THEMIS: variants seen among roughly 807,000 people sequenced by gnomAD.
THEMIS encodes the protein thymocyte selection associated.
Under a neutral mutation model 52.6 loss-of-function variants are expected in THEMIS, and 37 were observed. The ratio of observed to expected loss-of-function variants is 0.70; its 90% CI spans 0.54 to 0.93. The LOEUF (loss-of-function observed/expected upper bound fraction) is 0.93. THEMIS is among the 40% of genes least tolerant of loss of function. The pLI is 0.00. For missense variants in THEMIS, 808 were observed against 763.1 expected, an observed-to-expected ratio of 1.06 and a Z score of -0.69; for synonymous variants, 292 against 272.7, an observed-to-expected ratio of 1.07 and a Z score of -0.70.
At chr6:127,703,848 G>A (rs1562201515), downstream of THEMIS, among the ~76,000 whole-genome samples, 1 of 152,054 alleles carries the variant, frequency 6.6e-6, no homozygotes, top group Non-Finnish European at 1.5e-5. Context: ...CCTCAGACTG[G>A]GTAATTTATA....
At chr6:127,761,970 G>C in intron 4 of THEMIS, among the ~76,000 whole-genome samples, 1 of 152,062 alleles carries the variant, frequency 6.6e-6, no homozygotes, top group Admixed American at 6.6e-5. Flanking sequence ...CGTTGCAGTT[G>C]TATTCACAAT....
At chr6:127,821,742 AAAAT>A (rs1195084966) in intron 3 of THEMIS, among the ~76,000 whole-genome samples, 1 of 152,064 alleles carries the variant, frequency 6.6e-6, no homozygotes, top group Admixed American at 6.5e-5. Flanking sequence ...CTTTAAAGAG[AAAAT>A]AAAGAGTTAC....
At chr6:127,887,311 A>G (rs774042700) in intron 1 of THEMIS, among the ~76,000 whole-genome samples, 3 of 152,142 alleles carry the variant, frequency 2.0e-5, no homozygotes, top group Middle Eastern at 3.2e-3. Context: ...GGAAATGCAA[A>G]TTAAAACTAC....
chr6:127,829,709 T>C lies in THEMIS; in HGVS notation c.476A>G (p.Gln159Arg). 1 of 1,614,140 alleles carries C rather than the reference T, an allele frequency of 6.2e-7. No individual in the cohort carries two copies. The change falls in exon 3 of 6, where the codon CAA becomes CGA. Residue 159 changes from glutamine (Q) to arginine (R), a missense_variant. Transcript: ENST00000368248. ...CAAAGGCAAATTAAATGAGTGAGTTTGATGATTCCTTGCTACTGCACAGCT... is the reference window on the plus strand; with the variant it reads ...CAAAGGCAAATTAAATGAGTGAGTTCGATGATTCCTTGCTACTGCACAGCT... ...MVSCAVARNH[Q>R]THSFNLPLSQ...
chr6:127,761,653 T>G (rs148810619), intron 4 of THEMIS, among the ~76,000 whole-genome samples: 1 of 152,124 alleles, frequency 6.6e-6, no homozygotes, highest in Non-Finnish European at 1.5e-5. Context: ...CCTATAAAAC[T>G]AATGCACATA....
chr6:127,697,027 G>A, the THEMIS span, among the ~76,000 whole-genome samples: 1 of 151,982 alleles, frequency 6.6e-6, no homozygotes, highest in Non-Finnish European at 1.5e-5. Flanking sequence ...ACACGTACAT[G>A]TATGTGTATA....
At chr6:127,697,454 A>T in the THEMIS span, among the ~76,000 whole-genome samples, 1 of 152,170 alleles carries the variant, frequency 6.6e-6, no homozygotes, top group Non-Finnish European at 1.5e-5. Flanking sequence ...TAGGCATAAC[A>T]GTTCTAGGAA....
intron 2 of THEMIS, among the ~76,000 whole-genome samples, chr6:127,830,988 A>C (rs1447423723): frequency 6.6e-6 from 1 of 152,172 alleles, no homozygotes; most frequent in African/African-American, 2.4e-5. Flanking sequence ...CACATTAATA[A>C]ATCACAACAT....
chr6:127,892,869 A>G (rs1239626944), intron 1 of THEMIS, among the ~76,000 whole-genome samples: 1 of 152,140 alleles, frequency 6.6e-6, no homozygotes, highest in East Asian at 1.9e-4. Flanking sequence ...ATAATGATTT[A>G]TTGTTTCATT....
chr6:127,881,402 A>G (rs1349281038), intron 1 of THEMIS, among the ~76,000 whole-genome samples: 1 of 152,044 alleles, frequency 6.6e-6, no homozygotes, highest in Non-Finnish European at 1.5e-5. Flanking sequence ...TTACTTGTTT[A>G]TACTTACAAA....
At chr6:127,854,252 T>C (rs922761874) in intron 2 of THEMIS, among the ~76,000 whole-genome samples, 2 of 151,922 alleles carry the variant, frequency 1.3e-5, no homozygotes, top group South Asian at 2.1e-4. Flanking sequence ...GCCATGCTCA[T>C]TGGTTTATGT....
chr6:127,702,317 A>C, the THEMIS span, among the ~76,000 whole-genome samples: 2 of 152,148 alleles, frequency 1.3e-5, no homozygotes, highest in Non-Finnish European at 2.9e-5. Flanking sequence ...TAAGGAAATT[A>C]CTTCTTTATT....
intron 1 of THEMIS, among the ~76,000 whole-genome samples, chr6:127,872,583 C>T (rs1780190583): frequency 6.6e-6 from 1 of 151,850 alleles, no homozygotes; most frequent in South Asian, 2.1e-4. Flanking sequence ...ACAAAAAACT[C>T]TCAGAAAAAC....
At chr6:127,838,015 C>G (rs551752145) in intron 2 of THEMIS, among the ~76,000 whole-genome samples, 1 of 151,956 alleles carries the variant, frequency 6.6e-6, no homozygotes. Context: ...GGAGTTGATT[C>G]GACAAGTGGA....
intron 1 of THEMIS, among the ~76,000 whole-genome samples, chr6:127,908,044 G>A (rs755644742): frequency 1.3e-5 from 2 of 152,088 alleles, no homozygotes; most frequent in Non-Finnish European, 2.9e-5. Flanking sequence ...AACCGCCTAT[G>A]AATGTGTTCA....
intron 4 of THEMIS, among the ~76,000 whole-genome samples, chr6:127,734,534 T>G (rs1225926894): frequency 6.6e-6 from 1 of 152,062 alleles, no homozygotes; most frequent in Non-Finnish European, 1.5e-5. Flanking sequence ...GTCTAAGTCT[T>G]GAAATCAAGA....
the THEMIS span, among the ~76,000 whole-genome samples, chr6:127,697,369 A>G: frequency 2.7e-4 from 41 of 152,248 alleles, no homozygotes; most frequent in East Asian, 7.3e-3. Flanking sequence ...GTCATCTCTG[A>G]AGGATTGTTG....
intron 2 of THEMIS, among the ~76,000 whole-genome samples, chr6:127,851,173 A>G (rs192108439): frequency 4.5e-4 from 69 of 151,740 alleles, no homozygotes; most frequent in African/African-American, 1.6e-3. Context: ...GCATAAGAAT[A>G]TAAGAATAAT....
chr6:127,888,245 T>C (rs1319991377), intron 1 of THEMIS, among the ~76,000 whole-genome samples: 1 of 152,056 alleles, frequency 6.6e-6, no homozygotes. Context: ...TTATTACCCA[T>C]ATAAGATTTT....
Sources: allele counts gnomAD v4.1 joint callset (sites outside exome capture counted in the v4.1 genomes callset), GRCh38; gene constraint gnomAD v4.1.1; transcripts MANE v1.5; gene names NCBI Gene and HGNC (gene_info 2026-07-23, HGNC 2026-07-21).